Variants in NRXN3 observed in about 807,000 individuals in gnomAD.
The protein encoded by NRXN3 is neurexin 3.
A neutral mutation model predicts 137.6 loss-of-function variants in NRXN3; 32 were observed. The ratio of observed to expected loss-of-function variants is 0.23; its 90% CI spans 0.18 to 0.31. The LOEUF is 0.31. NRXN3 is among the 10% of genes least tolerant of loss of function. The probability of loss-of-function intolerance (pLI) is 1.00; values close to 1 mark genes in which losing one functional copy is unlikely to be tolerated. For synonymous variants in NRXN3, 798 were observed against 784.5 expected (o/e 1.02, Z -0.29); for missense variants, 1,574 against 2,062.5 (o/e 0.76, Z 4.59).
chr14:78,403,791 G>A (rs1384114528), intron 4 of NRXN3: 70 of 985,308 alleles, frequency 7.1e-5, no homozygotes, highest in Non-Finnish European at 7.7e-5. Context: ...CCCTCTCTTC[G>A]TTGTTTCTGC....
chr14:79,658,898 G>T (rs148654284), intron 16 of NRXN3, among the ~76,000 whole-genome samples: 1 of 152,104 alleles, frequency 6.6e-6, no homozygotes. Flanking sequence ...CTAAAATAGC[G>T]GATGATGCAT....
intron 19 of NRXN3, among the ~76,000 whole-genome samples, chr14:79,712,385 A>G (rs570888542): frequency 1.3e-5 from 2 of 152,322 alleles, no homozygotes; most frequent in South Asian, 2.1e-4. Flanking sequence ...TTTCGATTAA[A>G]TAAATGTTCA....
intron 10 of NRXN3, among the ~76,000 whole-genome samples, chr14:78,856,872 T>G (rs1307608485): frequency 6.6e-6 from 1 of 152,146 alleles, no homozygotes; most frequent in Non-Finnish European, 1.5e-5. Context: ...TAGCTGGGAT[T>G]ACAGGCGTGT....
At chr14:79,447,541 A>T (rs998176226) in intron 15 of NRXN3, among the ~76,000 whole-genome samples, 1 of 152,168 alleles carries the variant, frequency 6.6e-6, no homozygotes, top group Non-Finnish European at 1.5e-5. Context: ...ATTTTCATGT[A>T]TTCTCCTTTT....
rs529780613 is a variant in NRXN3, at chr14:79,068,839, C to T, written c.3262+80698C>T. On this transcript the variant is annotated intron_variant, in intron 15 of 20. Coordinates refer to ENST00000335750, the MANE Select transcript of NRXN3 (RefSeq NM_001330195.2). ...CAGTGAAGAATTATTAGATGTTGCC[C>T]GTCTCAGCTGGATTTTCAGTTATAC... Among the ~76,000 whole-genome samples the T allele has an allele frequency of 9.7e-4, 147 of 152,060 alleles. 1 individual carries two copies. Among genetic ancestry groups the T allele is most frequent in the Middle Eastern group, 3.4e-3 (1 of 294 alleles).
chr14:78,707,855 T>C (rs913314326), intron 6 of NRXN3, among the ~76,000 whole-genome samples: 1 of 152,224 alleles, frequency 6.6e-6, no homozygotes, highest in Non-Finnish European at 1.5e-5. Context: ...GTTTCCAGTC[T>C]TATCCAGGTC....
intron 19 of NRXN3, among the ~76,000 whole-genome samples, chr14:79,778,225 G>A (rs1246577844): frequency 6.6e-6 from 1 of 152,122 alleles, no homozygotes; most frequent in African/African-American, 2.4e-5. Context: ...GACCAGCCCG[G>A]CCAGCATGGT....
intron 15 of NRXN3, among the ~76,000 whole-genome samples, chr14:79,144,362 A>G (rs2059097931): frequency 6.6e-6 from 1 of 152,164 alleles, no homozygotes; most frequent in Non-Finnish European, 1.5e-5. Context: ...ATGAATTCCT[A>G]CCTTGCAAAA....
intron 4 of NRXN3, among the ~76,000 whole-genome samples, chr14:78,578,982 C>T (rs1566801143): frequency 6.6e-6 from 1 of 151,706 alleles, no homozygotes; most frequent in Non-Finnish European, 1.5e-5. Context: ...GCCCTGGAAG[C>T]TGAGGTTTTA....
intron 6 of NRXN3, chr14:78,695,214 A>AT (rs2098214202): frequency 1.3e-5 from 2 of 151,970 alleles, no homozygotes; most frequent in African/African-American, 2.4e-5. Context: ...AAGTGCTTGC[A>AT]TTTAGGGTCC....
chr14:78,851,830 A>T (rs1290909796), intron 10 of NRXN3, among the ~76,000 whole-genome samples: 1 of 152,214 alleles, frequency 6.6e-6, no homozygotes, highest in Non-Finnish European at 1.5e-5. Context: ...TTAAATATCC[A>T]ACATTTTGGC....
chr14:79,448,901 A>T (rs1281628779), intron 15 of NRXN3, among the ~76,000 whole-genome samples: 1 of 152,242 alleles, frequency 6.6e-6, no homozygotes, highest in Non-Finnish European at 1.5e-5. Flanking sequence ...GAATGAAGTG[A>T]GGGAAAGTGA....
At chr14:79,446,002 A>G (rs550189892) in intron 15 of NRXN3, among the ~76,000 whole-genome samples, 38 of 152,310 alleles carry the variant, frequency 2.5e-4, no homozygotes, top group African/African-American at 8.9e-4. Context: ...TTGATTTAAC[A>G]ATATTAAATG....
At chr14:78,407,414 AT>A (rs1385079753) in intron 4 of NRXN3, among the ~76,000 whole-genome samples, 1 of 152,200 alleles carries the variant, frequency 6.6e-6, no homozygotes, top group East Asian at 1.9e-4. Context: ...AGATAGAATT[AT>A]TTTATAGTCA....
At chr14:79,067,147 G>C (rs888710578) in intron 15 of NRXN3, among the ~76,000 whole-genome samples, 2 of 151,922 alleles carry the variant, frequency 1.3e-5, no homozygotes, top group African/African-American at 2.4e-5. Context: ...TTCTTTAATA[G>C]CTAGTTTATT....
chr14:78,486,967 C>G (rs1192088330), intron 4 of NRXN3, among the ~76,000 whole-genome samples: 1 of 152,106 alleles, frequency 6.6e-6, no homozygotes, highest in South Asian at 2.1e-4. Context: ...AAGGAATTTA[C>G]AATTTGAATG....
intron 8 of NRXN3, among the ~76,000 whole-genome samples, chr14:78,775,368 T>A (rs968652870): frequency 2.0e-5 from 3 of 152,242 alleles, no homozygotes; most frequent in Admixed American, 6.5e-5. Context: ...TAAGAGCAAC[T>A]TGTCTAACCT....
chr14:78,941,838 G>A (rs2099353593), intron 10 of NRXN3, among the ~76,000 whole-genome samples: 1 of 152,188 alleles, frequency 6.6e-6, no homozygotes, highest in African/African-American at 2.4e-5. Context: ...TAGCACCCCT[G>A]TGCCATCTTT....
intron 6 of NRXN3, among the ~76,000 whole-genome samples, chr14:78,692,979 A>G (rs912663560): frequency 1.3e-5 from 2 of 151,864 alleles, no homozygotes; most frequent in Non-Finnish European, 2.9e-5. Context: ...GCTACTCAGG[A>G]GGCTGAGGCA....
Sources: gnomAD v4.1 joint callset for allele counts (sites outside exome capture counted in the v4.1 genomes callset) on GRCh38, gnomAD v4.1.1 for gene constraint, MANE v1.5 for transcripts, NCBI Gene and HGNC (gene_info 2026-07-23, HGNC 2026-07-21) for gene names.